The following WRN variants were observed in gnomAD, a reference collection of about 807,000 sequenced individuals.
The protein encoded by WRN is bifunctional 3'-5' exonuclease/ATP-dependent helicase WRN.
In WRN, 149 loss-of-function variants were observed where a neutral mutation model predicts 180.7. That is an observed-to-expected ratio of 0.82 (90% confidence interval 0.72 to 0.94). The LOEUF (loss-of-function observed/expected upper bound fraction) is 0.94, where lower values mean the gene tolerates loss of function less well. Among genes scored for constraint, WRN ranks in the 40% least tolerant of loss-of-function variants. The pLI, the probability that WRN is intolerant of heterozygous loss-of-function variation, is 0.00. For missense variants in WRN, 1,661 were observed against 1,700.1 expected (o/e 0.98, Z 0.40); for synonymous variants, 548 against 568.9 (o/e 0.96, Z 0.52).
intron 9 of WRN, among the ~76,000 whole-genome samples, chr8:31,082,220 A>G (rs1290240232): frequency 6.6e-6 from 1 of 152,172 alleles, no homozygotes; most frequent in African/African-American, 2.4e-5. Flanking sequence ...TTAGTTTACA[A>G]AATTACTTAA....
At chr8:31,163,756 T>C (rs1231189493) in intron 33 of WRN, among the ~76,000 whole-genome samples, 2 of 152,170 alleles carry the variant, frequency 1.3e-5, no homozygotes, top group Non-Finnish European at 2.9e-5. Context: ...TAATACACTG[T>C]ATGTAGGTTG....
At chr8:31,104,751 G>A (rs548984812) in intron 18 of WRN, among the ~76,000 whole-genome samples, 2 of 152,292 alleles carry the variant, frequency 1.3e-5, no homozygotes, top group African/African-American at 4.8e-5. Context: ...TGTTGAATAG[G>A]CTGTCCTTCC....
chr8:31,156,581 A>G (rs1197905289), intron 32 of WRN, among the ~76,000 whole-genome samples: 1 of 152,256 alleles, frequency 6.6e-6, no homozygotes, highest in African/African-American at 2.4e-5. Context: ...TAAATGCTCT[A>G]TTCTGTGAAA....
rs1159990428 is a variant in WRN at position 31,174,329 on chromosome 8, G to A, written c.*1227G>A. ...GCAAGTACGCACAGACACGTCTGCTGCATGCCTAGGTACGAGGCTGTCTCC... is the reference window on the plus strand; with the variant it reads ...GCAAGTACGCACAGACACGTCTGCTACATGCCTAGGTACGAGGCTGTCTCC... On this transcript the variant is annotated 3_prime_UTR_variant, in exon 35 of 35. Transcript: ENST00000298139. Among the ~76,000 whole-genome samples, 2 of 152,230 alleles carry A rather than the reference G, an allele frequency of 1.3e-5. No individual in the cohort carries two copies. Among genetic ancestry groups the A allele is most frequent in the African/African-American group, 4.8e-5 (2 of 41,456 alleles).
chr8:31,129,789 G>T (rs748497770), intron 23 of WRN, among the ~76,000 whole-genome samples: 1 of 151,862 alleles, frequency 6.6e-6, no homozygotes, highest in Non-Finnish European at 1.5e-5. Flanking sequence ...GGGGGATCAC[G>T]AGGTCAAGAG....
At chr8:31,095,886 A>G (rs903767321) in intron 16 of WRN, among the ~76,000 whole-genome samples, 2 of 152,168 alleles carry the variant, frequency 1.3e-5, no homozygotes, top group African/African-American at 2.4e-5. Context: ...TGAGCATGTC[A>G]GCATCACCTT....
intron 7 of WRN, among the ~76,000 whole-genome samples, chr8:31,073,494 T>G (rs1189836546): frequency 6.6e-6 from 1 of 152,154 alleles, no homozygotes; most frequent in African/African-American, 2.4e-5. Flanking sequence ...TTGGATATCC[T>G]AAGTTTTAGA....
chr8:31,086,696 G>A (rs1038048399), intron 11 of WRN, among the ~76,000 whole-genome samples: 1 of 152,138 alleles, frequency 6.6e-6, no homozygotes, highest in Non-Finnish European at 1.5e-5. Flanking sequence ...TTGATACTCG[G>A]TTAACAGTTG....
At chr8:31,079,972 C>T (rs981352191) in intron 8 of WRN, among the ~76,000 whole-genome samples, 4 of 152,052 alleles carry the variant, frequency 2.6e-5, no homozygotes, top group Non-Finnish European at 5.9e-5. Flanking sequence ...CCCCTACCTA[C>T]GGGATTCAAG....
intron 21 of WRN, among the ~76,000 whole-genome samples, chr8:31,123,382 G>A (rs1396526013): frequency 2.0e-5 from 3 of 152,038 alleles, no homozygotes; most frequent in African/African-American, 7.2e-5. Context: ...TGCGGCTTCA[G>A]GCATCCACTG....
intron 9 of WRN, among the ~76,000 whole-genome samples, chr8:31,081,567 T>C (rs554268798): frequency 6.8e-4 from 104 of 152,342 alleles, no homozygotes; most frequent in Non-Finnish European, 1.3e-3. Flanking sequence ...TAGTATGATA[T>C]GCAGCATTGT....
intron 1 of WRN, among the ~76,000 whole-genome samples, chr8:31,038,326 A>C (rs1489273547): frequency 6.6e-6 from 1 of 152,152 alleles, no homozygotes; most frequent in Non-Finnish European, 1.5e-5. Flanking sequence ...TTAATGACTA[A>C]TGATGTTGAG....
intron 23 of WRN, among the ~76,000 whole-genome samples, chr8:31,125,331 A>G (rs1801877918): frequency 6.6e-6 from 1 of 151,074 alleles, no homozygotes; most frequent in African/African-American, 2.4e-5. Flanking sequence ...GTAATTATAT[A>G]GATAGGTTTA....
chr8:31,079,320 A>G (rs538292001), intron 8 of WRN, among the ~76,000 whole-genome samples: 16 of 152,316 alleles, frequency 1.1e-4, no homozygotes, highest in African/African-American at 3.8e-4. Context: ...TACTTGAGTC[A>G]TTAATATAAA....
In WRN at chr8:31,091,900, T is replaced by G. The variant is rs772319506; in HGVS notation, c.1898+2T>G. ...AAATGTTCTAACAGATATTAAATTG[T>G]GAGTAATTTTTTTCCCTCAACTTTT... On this transcript the variant is annotated splice_donor_variant, in intron 16 of 34. Transcript: ENST00000298139. LOFTEE classifies it high-confidence loss of function. 10 of 1,612,806 alleles carry G rather than the reference T, an allele frequency of 6.2e-6. No individual in the cohort carries two copies. The highest frequency in any genetic ancestry group is 7.6e-6 in the Non-Finnish European group (9 of 1,179,126).
chr8:31,119,704 T>C (rs1801648186), intron 20 of WRN, among the ~76,000 whole-genome samples: 1 of 151,970 alleles, frequency 6.6e-6, no homozygotes, highest in Non-Finnish European at 1.5e-5. Context: ...AAAAAAAATT[T>C]TCTATGTCTT....
intron 27 of WRN, among the ~76,000 whole-genome samples, chr8:31,142,992 C>A (rs1270521717): frequency 6.7e-6 from 1 of 149,954 alleles, no homozygotes; most frequent in African/African-American, 2.4e-5. Context: ...TATAGTTGAT[C>A]AAAAAATTGA....
chr8:31,167,825 T>C (rs1380763775), intron 34 of WRN, among the ~76,000 whole-genome samples: 2 of 152,106 alleles, frequency 1.3e-5, no homozygotes, highest in Admixed American at 1.3e-4. Context: ...ATCAGATATA[T>C]TGTTTAATAA....
chr8:31,042,708 T>A (rs1309358602), intron 1 of WRN, among the ~76,000 whole-genome samples: 1 of 152,198 alleles, frequency 6.6e-6, no homozygotes, highest in African/African-American at 2.4e-5. Context: ...TGTGAATAAT[T>A]TATTGGTGAG....
Sources: allele counts gnomAD v4.1 joint callset (sites outside exome capture counted in the v4.1 genomes callset), GRCh38; gene constraint gnomAD v4.1.1; transcripts MANE v1.5; gene names NCBI Gene and HGNC (gene_info 2026-07-23, HGNC 2026-07-21).